The following ZBTB17 variants were observed in gnomAD, a reference collection of about 807,000 sequenced individuals.
ZBTB17 encodes zinc finger and BTB domain containing 17.
A neutral mutation model predicts 85.1 loss-of-function variants in ZBTB17; 24 were observed. The ratio of observed to expected loss-of-function variants is 0.28; its 90% CI spans 0.20 to 0.40. The LOEUF (loss-of-function observed/expected upper bound fraction) is 0.40, where lower values mean the gene tolerates loss of function less well. ZBTB17 is among the 10% of genes least tolerant of loss of function. The pLI is 1.00. For synonymous variants in ZBTB17, 464 were observed against 460.2 expected, an observed-to-expected ratio of 1.01 and a Z score of -0.11; for missense variants, 743 against 1,105.1, an observed-to-expected ratio of 0.67 and a Z score of 4.65.
At chr1:15,948,863 A>T (rs1381697872) in intron 2 of ZBTB17, among the ~76,000 whole-genome samples, 4 of 152,276 alleles carry the variant, frequency 2.6e-5, no homozygotes, top group Non-Finnish European at 5.9e-5. Flanking sequence ...CGACATGGTC[A>T]CTTTAACATT....
At chr1:15,974,855 C>A (rs894277888) in intron 1 of ZBTB17, among the ~76,000 whole-genome samples, 2 of 152,218 alleles carry the variant, frequency 1.3e-5, no homozygotes, top group African/African-American at 4.8e-5. Flanking sequence ...AGATTACAAG[C>A]GTGAGACAAC....
At position 15,951,844 on chromosome 1, in the gene ZBTB17, G is replaced by A. The variant is rs930163874; in HGVS notation, c.-2-3347C>T. ...TAGGAACATATCCCCTCCTAAGTAC[G>A]TGCTAGGAGGTGCTGTCTGGGGAGA... On this transcript the variant is annotated intron_variant, in intron 2 of 15. Coordinates refer to ENST00000375743, the MANE Select transcript of ZBTB17 (RefSeq NM_003443.3). The surrounding 1 kb of genome is among the most constrained non-coding windows in gnomAD (Gnocchi z 4.1). Among the ~76,000 whole-genome samples, 3 of 152,070 alleles carry A rather than the reference G, an allele frequency of 2.0e-5. No homozygotes were observed. The highest frequency in any genetic ancestry group is 1.9e-4 in the East Asian group (1 of 5,194).
intron 2 of ZBTB17, among the ~76,000 whole-genome samples, chr1:15,957,044 G>T (rs1215845190): frequency 1.3e-5 from 2 of 152,062 alleles, no homozygotes; most frequent in Admixed American, 1.3e-4. Context: ...GCCGGGCATG[G>T]TGGTGGGTGC....
At position 15,971,500 on chromosome 1, in the gene ZBTB17, TATAC is replaced by T. The variant is rs367666675; in HGVS notation, c.-3+1535_-3+1538del. Among the ~76,000 whole-genome samples, 62 of 19,734 alleles carry T rather than the reference TATAC, an allele frequency of 3.1e-3. 1 individual carries two copies. Among genetic ancestry groups the T allele is most frequent in the African/African-American group, 5.4e-3 (12 of 2,208 alleles). 12.9% of individuals were successfully genotyped at this position (19,734 alleles called of 152,430 possible). A position where few individuals can be genotyped will look rare whatever the true frequency, so the allele number is the denominator to read the frequency against. ...TATATATATACACACACTATATATA[TATAC>T]ACACACACTATATATATACACACAC... is the stretch of plus-strand genomic sequence containing the variant. On this transcript the variant is annotated intron_variant, in intron 2 of 15. Coordinates refer to ENST00000375743, the MANE Select transcript of ZBTB17 (RefSeq NM_003443.3).
Position 15,945,758 on chromosome 1 carries a change from A to G in ZBTB17, c.618T>C (p.Ala206=). Residue 206 remains alanine (A), a synonymous_variant, in exon 6 of 16, where the codon GCT becomes GCC. Transcript: ENST00000375743. ...ACAAAGCGGCCTCAGCTTCTGCAGC[A>G]GCCATGCCACTCGTGGGGTCTGGCT... ...ELKPDPTSGM[A]AAEAEAALSE... 3 of 1,606,650 alleles carry G rather than the reference A, an allele frequency of 1.9e-6. No individual in the cohort carries two copies. The highest frequency in any genetic ancestry group is 2.5e-6 in the Non-Finnish European group (3 of 1,179,828).
chr1:15,946,112 A>G, intron 5 of ZBTB17, 42 bp downstream of exon 5: 2 of 1,600,990 alleles, frequency 1.2e-6, no homozygotes, highest in Non-Finnish European at 1.7e-6. Context: ...GGCTGCTGGG[A>G]GGTGACAGGA....
At position 15,964,046 on chromosome 1, in the gene ZBTB17, G is replaced by C. The variant is rs537822187; in HGVS notation, c.-3+8993C>G. Among the ~76,000 whole-genome samples, 1 of 151,482 alleles carries C rather than the reference G, an allele frequency of 6.6e-6. No individual in the cohort carries two copies. The highest frequency in any genetic ancestry group is 6.6e-5 in the Admixed American group (1 of 15,212). On this transcript the variant is annotated intron_variant, in intron 2 of 15. Transcript: ENST00000375743. The surrounding 1 kb of genome is among the most constrained non-coding windows in gnomAD (Gnocchi z 4.3). ...GAGGCAGGAGGATTGCATAATCCTAGAAGGTCCAGGCTGCAGTAAGCTGCG... is the reference window on the plus strand; with the variant it reads ...GAGGCAGGAGGATTGCATAATCCTACAAGGTCCAGGCTGCAGTAAGCTGCG...
intron 2 of ZBTB17, among the ~76,000 whole-genome samples, chr1:15,961,343 A>C (rs922385881): frequency 3.3e-5 from 5 of 152,256 alleles, no homozygotes; most frequent in African/African-American, 9.6e-5. Flanking sequence ...TATGAAATAC[A>C]TATGGCAGAA....
At chr1:15,972,711 A>AAC (rs2072730865) in intron 2 of ZBTB17, among the ~76,000 whole-genome samples, 1 of 152,210 alleles carries the variant, frequency 6.6e-6, no homozygotes, top group African/African-American at 2.4e-5. Flanking sequence ...GATCTCACAG[A>AAC]ACACAGCAAG....
chr1:15,956,996 T>C (rs1198638866), intron 2 of ZBTB17, among the ~76,000 whole-genome samples: 1 of 151,576 alleles, frequency 6.6e-6, no homozygotes, highest in East Asian at 1.9e-4. Flanking sequence ...CTGGCCGACA[T>C]AGTGAAACCC....
At chr1:15,961,907 T>C (rs185370037) in intron 2 of ZBTB17, among the ~76,000 whole-genome samples, 160 of 152,290 alleles carry the variant, frequency 1.1e-3, no homozygotes, top group African/African-American at 3.7e-3. Context: ...TGTTAATATA[T>C]ATGCTTTATC....
Position 15,942,860 on chromosome 1 carries a change from G to C in ZBTB17, c.1829-122C>G. ...TTACAGCAGGAGGTGCTCTGGGGTG[G>C]CTGCACGGGTGCCTCTGGTGACACT... On this transcript the variant is annotated intron_variant, in intron 13 of 15. Transcript: ENST00000375743. 4 of 1,363,926 alleles carry C rather than the reference G, an allele frequency of 2.9e-6. 1 individual carries two copies. In the South Asian group the frequency reaches 5.5e-5, roughly 19 times the overall value. 84.5% of individuals were successfully genotyped at this position (1,363,926 alleles called of 1,614,324 possible). A position where few individuals can be genotyped will look rare whatever the true frequency, so the allele number is the denominator to read the frequency against.
At chr1:15,969,541 T>G (rs1251790080) in intron 2 of ZBTB17, 1 of 357,534 alleles carries the variant, frequency 2.8e-6, no homozygotes, top group Non-Finnish European at 5.5e-6. Context: ...GTGTGGGGAC[T>G]CCAGGTCCCA....
chr1:15,944,382 G>C lies in ZBTB17; in HGVS notation c.1289C>G (p.Pro430Arg), dbSNP rs1396705837. Residue 430 changes from proline to arginine, a missense_variant, in exon 9 of 16, where the codon CCC (proline) becomes CGC (arginine). Around this residue, in one of 4 missense-constraint regions of ZBTB17, gnomAD observed 321 missense variants for 615.7 expected, o/e 0.52. Transcript: ENST00000375743. ...CTCCAGGTGGCGCATCTTGGAAGTGGGGTCGGAGAAGGAGCGGCCGCAGTA... is the reference window on the plus strand; with the variant it reads ...CTCCAGGTGGCGCATCTTGGAAGTGCGGTCGGAGAAGGAGCGGCCGCAGTA... ...CDYCGRSFSD[P>R]TSKMRHLETH... 4 of 1,560,082 alleles carry C rather than the reference G, an allele frequency of 2.6e-6. No individual in the cohort carries two copies. In the East Asian group the frequency reaches 7.2e-5, roughly 28 times the overall value.
chr1:15,963,026 G>A (rs2072315951), intron 2 of ZBTB17, among the ~76,000 whole-genome samples: 1 of 152,320 alleles, frequency 6.6e-6, no homozygotes, highest in East Asian at 1.9e-4. Context: ...ACTGTGGGAG[G>A]CCAAGGCAGG....
rs114793847 is a variant in ZBTB17 at position 15,967,108 on chromosome 1, C to G, written c.-3+5931G>C. On this transcript the variant is annotated intron_variant, in intron 2 of 15. Transcript: ENST00000375743. ...GTCACCCCACAGGACACCACCCCTG[C>G]TCGCACCTGTAATCCCAGTCCTTTG... Among the ~76,000 whole-genome samples the G allele has an allele frequency of 9.4e-3, 1,429 of 152,224 alleles. 25 individuals carry two copies. The highest frequency in any genetic ancestry group is 0.033 in the African/African-American group (1,366 of 41,520).
chr1:15,966,281 C>A lies in ZBTB17; in HGVS notation c.-3+6758G>T, dbSNP rs745429960. Among the ~76,000 whole-genome samples the A allele has an allele frequency of 5.9e-5, 9 of 152,118 alleles. No individual in the cohort carries two copies. Among genetic ancestry groups the A allele is most frequent in the Admixed American group, 5.2e-4 (8 of 15,268 alleles). ...TTCGAGTGGAGCCTGCCACTCGGGA[C>A]AGGAAAGTGACTGCTTAGGTTAATA... On this transcript the variant is annotated intron_variant, in intron 2 of 15. Transcript: ENST00000375743. The surrounding 1 kb of genome is among the most constrained non-coding windows in gnomAD (Gnocchi z 4.1).
intron 2 of ZBTB17, among the ~76,000 whole-genome samples, chr1:15,971,071 A>AT (rs2072632232): frequency 6.6e-6 from 1 of 152,162 alleles, no homozygotes; most frequent in Admixed American, 6.5e-5. Context: ...GACCAGAGGG[A>AT]TGCAAGAGAA....
chr1:15,959,521 G>GAGGT, intron 2 of ZBTB17, among the ~76,000 whole-genome samples: 1 of 127,928 alleles, frequency 7.8e-6, no homozygotes, highest in Non-Finnish European at 1.6e-5. Flanking sequence ...GGGAGGGAGG[G>GAGGT]AGGGAGGGAG....
Sources: gnomAD v4.1 joint callset for allele counts (sites outside exome capture counted in the v4.1 genomes callset) on GRCh38, gnomAD v4.1.1 for gene constraint, gnomAD v4.1.1 regional missense constraint, Gnocchi (gnomAD v3.1) non-coding constraint, MANE v1.5 for transcripts, NCBI Gene and HGNC (gene_info 2026-07-23, HGNC 2026-07-21) for gene names.